The following NTN4 variants were observed in gnomAD, a reference collection of about 807,000 sequenced individuals.
NTN4 encodes netrin 4.
In NTN4, 32 loss-of-function variants were observed where a neutral mutation model predicts 73.6. That is an observed-to-expected ratio of 0.44 (90% CI 0.33 to 0.58). NTN4 has a LOEUF of 0.58. Ranked by LOEUF, NTN4 falls within the 20% of genes least tolerant of loss-of-function variation. NTN4 has a pLI of 0.04. For missense variants in NTN4, 654 were observed against 798.3 expected (o/e 0.82, Z 2.18); for synonymous variants, 258 against 287.5 (o/e 0.90, Z 1.04).
At position 95,726,627 on chromosome 12, in the gene NTN4, T is replaced by C. The variant is rs187294361; in HGVS notation, c.864+11239A>G. On this transcript the variant is annotated intron_variant, in intron 3 of 9. Coordinates refer to ENST00000343702, the MANE Select transcript of NTN4 (RefSeq NM_021229.4). ...GTTTTCAATTCACTTGTGTATATAC[T>C]GAGGGGTAGAATTGCTGGGTCATAT... is the stretch of plus-strand genomic sequence containing the variant. Among the ~76,000 whole-genome samples the C allele has an allele frequency of 1.8e-4, 28 of 152,282 alleles. No homozygotes were observed. The East Asian group carries it at 5.2e-3, about 28-fold the overall frequency.
Position 95,781,050 on chromosome 12 carries a change from CA to C in NTN4, c.585+5888del, listed in dbSNP as rs11317462. Among the ~76,000 whole-genome samples, 93,098 of 151,694 alleles carry C rather than the reference CA, an allele frequency of 0.61. 29,227 individuals carry two copies. The highest frequency in any genetic ancestry group is 0.78 in the South Asian group (3,763 of 4,812). On this transcript the variant is annotated intron_variant, in intron 2 of 9. Coordinates refer to ENST00000343702, the MANE Select transcript of NTN4 (RefSeq NM_021229.4). This position sits in a 1 kb window ranked among gnomAD's most constrained non-coding sequence, Gnocchi z 4.1. The stretch of plus-strand genomic sequence containing the variant: ...CATTCTCAGCAAACTATTGCAAGGA[CA>C]AAAAAACAAACACTGCATGTTCTCA...
At chr12:95,786,522 T>C (rs919080941) in intron 2 of NTN4, among the ~76,000 whole-genome samples, 1 of 152,232 alleles carries the variant, frequency 6.6e-6, no homozygotes, top group Non-Finnish European at 1.5e-5. Context: ...TTTTTTTCTT[T>C]CTTGGCTTTG....
At chr12:95,693,241 T>A (rs2078415189) in intron 5 of NTN4, among the ~76,000 whole-genome samples, 1 of 151,366 alleles carries the variant, frequency 6.6e-6, no homozygotes, top group Non-Finnish European at 1.5e-5. Flanking sequence ...TAGTTCAGGG[T>A]GCATGAGAAT....
At chr12:95,723,071 G>C (rs1656031245) in intron 3 of NTN4, among the ~76,000 whole-genome samples, 1 of 151,314 alleles carries the variant, frequency 6.6e-6, no homozygotes, top group African/African-American at 2.4e-5. Flanking sequence ...TTAAATTTGG[G>C]CTGAGTAATT....
chr12:95,770,253 TG>T (rs2079048317), intron 2 of NTN4, among the ~76,000 whole-genome samples: 1 of 152,170 alleles, frequency 6.6e-6, no homozygotes, highest in African/African-American at 2.4e-5. Context: ...CACCTGGTTT[TG>T]GTTTCTGCAA....
At position 95,790,140 on chromosome 12, in the gene NTN4, C is replaced by A. The variant is rs2079197478; in HGVS notation, c.55+115G>T. On this transcript the variant is annotated intron_variant, in intron 1 of 9. Transcript: ENST00000343702. The surrounding 1 kb of genome is among the most constrained non-coding windows in gnomAD (Gnocchi z 6.5). ...GGCGGAACATGGCCACTCATTTCAC[C>A]CTCGGGAGCAGCGCTCTGCGCTCGC... 1.6e-5 allele frequency: 14 copies of A among 875,778 alleles called. No homozygotes were observed. The highest frequency in any genetic ancestry group is 2.4e-5 in the Non-Finnish European group (14 of 589,068). 54.3% of individuals were successfully genotyped at this position (875,778 alleles called of 1,614,324 possible).
chr12:95,707,047 A>G (rs2078526295), intron 5 of NTN4, among the ~76,000 whole-genome samples: 1 of 152,222 alleles, frequency 6.6e-6, no homozygotes, highest in Admixed American at 6.5e-5. Context: ...GCTAACTTCA[A>G]CTAAAGCTGA....
chr12:95,714,697 T>G (rs2078592769), intron 3 of NTN4, among the ~76,000 whole-genome samples: 1 of 152,110 alleles, frequency 6.6e-6, no homozygotes, highest in Admixed American at 6.6e-5. Flanking sequence ...GAGGGCTTTA[T>G]GAGAAAGGTG....
chr12:95,699,295 T>G (rs1422290771), intron 5 of NTN4, among the ~76,000 whole-genome samples: 1 of 152,254 alleles, frequency 6.6e-6, no homozygotes, highest in Non-Finnish European at 1.5e-5. Flanking sequence ...AGGAATGGAC[T>G]GGTTCACAGG....
intron 2 of NTN4, among the ~76,000 whole-genome samples, chr12:95,741,238 C>T (rs892640325): frequency 6.7e-6 from 1 of 150,068 alleles, no homozygotes; most frequent in African/African-American, 2.5e-5. Flanking sequence ...AGTACTGAAC[C>T]CATAGAGACT....
chr12:95,683,526 C>T lies in NTN4; in HGVS notation c.1366G>A (p.Asp456Asn). 1 of 1,614,160 alleles carries T rather than the reference C, an allele frequency of 6.2e-7. No homozygotes were observed. The highest frequency in any genetic ancestry group is 8.5e-7 in the Non-Finnish European group (1 of 1,180,042). Residue 456 changes from aspartate (D) to asparagine (N), a missense_variant, in exon 6 of 10, where the codon GAC becomes AAC. By Grantham distance (23) the Asp-to-Asn change is conservative. Transcript: ENST00000343702. ...CTGATGCAGTCTCCGGTGATAGGGTCACAGCTCCCCGCACAGTCACATGGT... is the reference window on the plus strand; with the variant it reads ...CTGATGCAGTCTCCGGTGATAGGGTTACAGCTCCCCGCACAGTCACATGGT... Reference protein sequence around the residue: ...CRPCDCAGSCDPITGDCISSH... With the variant: ...CRPCDCAGSCNPITGDCISSH...
chr12:95,774,175 CTT>C (rs546496727), intron 2 of NTN4, among the ~76,000 whole-genome samples: 5,951 of 101,068 alleles, frequency 0.059, 330 homozygotes, highest in East Asian at 0.37. Flanking sequence ...GTTTTTCTCT[CTT>C]TTTTTTTTTA....
intron 2 of NTN4, among the ~76,000 whole-genome samples, chr12:95,757,773 TA>T (rs10713128): frequency 0.76 from 110,616 of 145,258 alleles, 42,744 homozygotes; most frequent in South Asian, 0.9. Context: ...GAATGCAAAG[TA>T]AAAAAAAAAA....
intron 8 of NTN4, among the ~76,000 whole-genome samples, chr12:95,667,184 G>A (rs1049989991): frequency 1.3e-5 from 2 of 150,614 alleles, no homozygotes; most frequent in Non-Finnish European, 3.0e-5. Flanking sequence ...AGGGAACGTA[G>A]GGAAGTTCTT....
chr12:95,774,402 C>T lies in NTN4; in HGVS notation c.585+12537G>A, dbSNP rs185439795. 1.3e-3 allele frequency among the ~76,000 whole-genome samples: 202 copies of T among 152,214 alleles called. 1 individual carries two copies. Among genetic ancestry groups the T allele is most frequent in the South Asian group, 3.5e-3 (17 of 4,818 alleles). ...CTTCTTGTGAGAATAAGGGATGCAG[C>T]GCACTGGGAGCACCTGGCAGGTGGG... On this transcript the variant is annotated intron_variant, in intron 2 of 9. Transcript: ENST00000343702.
At chr12:95,675,897 C>T (rs537354636) in intron 7 of NTN4, among the ~76,000 whole-genome samples, 4 of 152,194 alleles carry the variant, frequency 2.6e-5, no homozygotes, top group African/African-American at 4.8e-5. Flanking sequence ...AAACCAACCA[C>T]GTACACAAAA....
chr12:95,786,890 A>G (rs374207718), intron 2 of NTN4, 49 bp downstream of exon 2: 425 of 1,498,700 alleles, frequency 2.8e-4, no homozygotes, highest in Non-Finnish European at 3.7e-4. Flanking sequence ...GCGGGCTGGT[A>G]ACATTTTTCT....
chr12:95,736,004 T>A (rs2078775285), intron 3 of NTN4, among the ~76,000 whole-genome samples: 1 of 151,872 alleles, frequency 6.6e-6, no homozygotes, highest in South Asian at 2.1e-4. Context: ...AGTGGCACGA[T>A]CTCGGCTCAC....
At chr12:95,732,252 CTT>C (rs2078743184) in intron 3 of NTN4, among the ~76,000 whole-genome samples, 1 of 147,528 alleles carries the variant, frequency 6.8e-6, no homozygotes. Context: ...GTCTTTCTTT[CTT>C]TCTCTCCTTT....
Sources: allele counts gnomAD v4.1 joint callset (sites outside exome capture counted in the v4.1 genomes callset), GRCh38; gene constraint gnomAD v4.1.1; non-coding constraint Gnocchi (gnomAD v3.1); transcripts MANE v1.5; gene names NCBI Gene and HGNC (gene_info 2026-07-23, HGNC 2026-07-21).